Variants in RBFOX1 observed in about 807,000 individuals in gnomAD.
RBFOX1 encodes RNA binding fox-1 homolog 1, also known as RNA binding protein fox-1 homolog 1.
In RBFOX1, 8 loss-of-function variants were observed where a neutral mutation model predicts 57.7. That is an observed-to-expected ratio of 0.14 (90% CI 0.08 to 0.25). The LOEUF (loss-of-function observed/expected upper bound fraction) is 0.25. RBFOX1 is among the 10% of genes least tolerant of loss of function. RBFOX1 has a pLI of 1.00. For synonymous variants in RBFOX1, 326 were observed against 222.4 expected (o/e 1.47, Z -4.15); for missense variants, 611 against 548.5 (o/e 1.11, Z -1.14).
At chr16:6,599,171 C>G (rs1215519513) in intron 2 of RBFOX1, among the ~76,000 whole-genome samples, 3 of 152,134 alleles carry the variant, frequency 2.0e-5, no homozygotes, top group Admixed American at 2.0e-4. Context: ...CTCTTCTAAC[C>G]CACATGTTTC....
At chr16:5,431,165 G>A (rs985735876) in intron 1 of RBFOX1, among the ~76,000 whole-genome samples, 4 of 152,116 alleles carry the variant, frequency 2.6e-5, no homozygotes, top group African/African-American at 9.7e-5. Context: ...CTGTTGTGTT[G>A]GTGTCCTGAT....
chr16:7,499,654 G>A (rs549777625), intron 4 of RBFOX1, among the ~76,000 whole-genome samples: 6 of 152,296 alleles, frequency 3.9e-5, no homozygotes, highest in Admixed American at 3.3e-4. Context: ...AGTAAGTGAA[G>A]AGGATGAATG....
Position 5,309,645 on chromosome 16 carries a change from C to T in RBFOX1, c.219+69540C>T, listed in dbSNP as rs145937459. 2.9e-3 allele frequency among the ~76,000 whole-genome samples: 446 copies of T among 152,278 alleles called. 3 individuals are homozygous for T. The highest frequency in any genetic ancestry group is 9.8e-3 in the African/African-American group (408 of 41,548). ...ACATTGTACCTGTGGAGTCATTTCT[C>T]ATTCCTCACTCCCCTCCCACTCTCT... is the stretch of plus-strand genomic sequence containing the variant. On this transcript the variant is annotated intron_variant, in intron 1 of 2. Transcript: ENST00000585867.
intron 4 of RBFOX1, among the ~76,000 whole-genome samples, chr16:7,415,825 T>G (rs1482437758): frequency 6.6e-6 from 1 of 152,180 alleles, no homozygotes; most frequent in African/African-American, 2.4e-5. Flanking sequence ...TCCAAAGTTA[T>G]TTGACTCTAA....
intron 2 of RBFOX1, among the ~76,000 whole-genome samples, chr16:6,618,490 A>G (rs1027887969): frequency 2.6e-5 from 4 of 152,222 alleles, no homozygotes; most frequent in Non-Finnish European, 5.9e-5. Context: ...CCTGATGTTC[A>G]TTATACATTT....
intron 4 of RBFOX1, among the ~76,000 whole-genome samples, chr16:7,273,857 A>G (rs1054198998): frequency 4.1e-4 from 63 of 152,220 alleles, no homozygotes; most frequent in Non-Finnish European, 1.0e-4. Context: ...CTGCTACTGC[A>G]TAATTTCATT....
intron 3 of RBFOX1, among the ~76,000 whole-genome samples, chr16:5,813,051 C>T (rs34203786): frequency 4.7e-5 from 7 of 148,748 alleles, no homozygotes; most frequent in African/African-American, 1.2e-4. Context: ...TCTGTCACCC[C>T]GGCTGCAGTG....
intron 3 of RBFOX1, among the ~76,000 whole-genome samples, chr16:6,873,013 G>A (rs2061213679): frequency 6.6e-6 from 1 of 151,840 alleles, no homozygotes; most frequent in African/African-American, 2.4e-5. Context: ...AAGATAATTA[G>A]ATATACTGCA....
intron 1 of RBFOX1, among the ~76,000 whole-genome samples, chr16:5,292,035 A>G (rs534225773): frequency 2.2e-5 from 3 of 136,882 alleles, no homozygotes; most frequent in East Asian, 4.4e-4. Flanking sequence ...CTCCTTCCCT[A>G]TGCCCTAAAC....
intron 3 of RBFOX1, among the ~76,000 whole-genome samples, chr16:6,892,236 C>G (rs558029890): frequency 1.3e-4 from 20 of 152,234 alleles, no homozygotes; most frequent in African/African-American, 4.8e-4. Context: ...TCCTTCAATT[C>G]TTCACATTTT....
intron 2 of RBFOX1, among the ~76,000 whole-genome samples, chr16:6,516,249 G>A (rs1000406692): frequency 5.3e-5 from 8 of 152,088 alleles, no homozygotes; most frequent in African/African-American, 9.7e-5. Flanking sequence ...GGCTAGTCTC[G>A]AACTCCTGAC....
chr16:6,855,774 A>G (rs963643925), intron 3 of RBFOX1, among the ~76,000 whole-genome samples: 4 of 150,014 alleles, frequency 2.7e-5, no homozygotes, highest in Admixed American at 2.6e-4. Context: ...TTTATCCTCT[A>G]CCTTTAGAGG....
At chr16:6,838,627 G>C (rs1290564749) in intron 3 of RBFOX1, among the ~76,000 whole-genome samples, 2 of 152,144 alleles carry the variant, frequency 1.3e-5, no homozygotes, top group Non-Finnish European at 2.9e-5. Context: ...AGTAAAAGTT[G>C]CTGTCTAACA....
rs8052314 is a variant in RBFOX1, at chr16:5,734,307, A to G, written c.319-132996A>G. On this transcript the variant is annotated intron_variant, in intron 3 of 19. Coordinates refer to the RBFOX1 transcript ENST00000641259. ...AGACCCCACGTCTACACAAAATAGG[A>G]ATTTTTTCTACTTGGGATTCTGAGG... Among the ~76,000 whole-genome samples the G allele has an allele frequency of 3.9e-5, 6 of 152,038 alleles. No homozygotes were observed. The East Asian group carries it at 5.8e-4, about 15-fold the overall frequency.
At chr16:7,084,192 G>T (rs1240893419) in intron 4 of RBFOX1, among the ~76,000 whole-genome samples, 1 of 152,150 alleles carries the variant, frequency 6.6e-6, no homozygotes, top group Non-Finnish European at 1.5e-5. Context: ...AAGGCATTCA[G>T]ATGCAATTAA....
At chr16:6,397,510 A>G (rs936795178) in intron 2 of RBFOX1, among the ~76,000 whole-genome samples, 1 of 152,206 alleles carries the variant, frequency 6.6e-6, no homozygotes, top group African/African-American at 2.4e-5. Flanking sequence ...ATGTTTTATT[A>G]CCATTAGTCC....
intron 1 of RBFOX1, among the ~76,000 whole-genome samples, chr16:5,377,358 G>T (rs868381579): frequency 2.0e-5 from 3 of 151,292 alleles, no homozygotes; most frequent in Non-Finnish European, 4.4e-5. Flanking sequence ...CTTGAGATGG[G>T]GTCACGTAAG....
intron 1 of RBFOX1, among the ~76,000 whole-genome samples, chr16:5,364,053 TC>T (rs1008124034): frequency 5.9e-5 from 9 of 152,168 alleles, no homozygotes; most frequent in Non-Finnish European, 8.8e-5. Context: ...CCTCAGCGAT[TC>T]CCCGACGCTG....
intron 2 of RBFOX1, among the ~76,000 whole-genome samples, chr16:6,485,697 G>T (rs1567395037): frequency 6.6e-6 from 1 of 152,088 alleles, no homozygotes; most frequent in Non-Finnish European, 1.5e-5. Flanking sequence ...CTTTTACTAT[G>T]TAAAAAGAGC....
Sources: allele counts gnomAD v4.1 joint callset (sites outside exome capture counted in the v4.1 genomes callset), GRCh38; gene constraint gnomAD v4.1.1; transcripts MANE v1.5; gene names NCBI Gene and HGNC (gene_info 2026-07-23, HGNC 2026-07-21).